The following TRHDE variants were observed in gnomAD, a reference collection of about 807,000 sequenced individuals.
TRHDE encodes the protein thyrotropin releasing hormone degrading enzyme, also known as thyrotropin-releasing hormone-degrading ectoenzyme.
Under a neutral mutation model 125.7 loss-of-function variants are expected in TRHDE, and 72 were observed. The ratio of observed to expected loss-of-function variants is 0.57; its 90% CI spans 0.47 to 0.70. TRHDE has a LOEUF of 0.70. Among genes scored for constraint, TRHDE ranks in the 30% least tolerant of loss-of-function variants. The probability of loss-of-function intolerance (pLI) is 0.00; values close to 1 mark genes in which losing one functional copy is unlikely to be tolerated. For missense variants in TRHDE, 1,110 were observed against 1,327.1 expected (o/e 0.84, Z 2.54); for synonymous variants, 509 against 509.1 (o/e 1.00, Z 0.00).
intron 12 of TRHDE, among the ~76,000 whole-genome samples, chr12:72,599,443 G>A (rs761733799): frequency 1.3e-5 from 2 of 151,988 alleles, no homozygotes; most frequent in African/African-American, 4.8e-5. Context: ...ATCTCATTGT[G>A]GTTTTGACTT....
At chr12:72,572,650 C>T (rs1444717377) in intron 10 of TRHDE, among the ~76,000 whole-genome samples, 1 of 151,960 alleles carries the variant, frequency 6.6e-6, no homozygotes, top group Non-Finnish European at 1.5e-5. Flanking sequence ...ACAGTAATAA[C>T]CTTCAGGTTT....
intron 6 of TRHDE, among the ~76,000 whole-genome samples, chr12:72,511,315 C>A (rs572291303): frequency 8.1e-4 from 123 of 152,014 alleles, no homozygotes; most frequent in African/African-American, 2.9e-3. Flanking sequence ...CATTAAATTT[C>A]TTTTTGTTAT....
intron 2 of TRHDE, among the ~76,000 whole-genome samples, chr12:72,139,914 C>T (rs977672511): frequency 3.3e-5 from 5 of 152,202 alleles, no homozygotes; most frequent in African/African-American, 9.6e-5. Context: ...AGCTGACCAG[C>T]GTTAACATTA....
At chr12:72,633,676 A>G (rs1046877578) in intron 15 of TRHDE, among the ~76,000 whole-genome samples, 1 of 152,042 alleles carries the variant, frequency 6.6e-6, no homozygotes, top group Non-Finnish European at 1.5e-5. Context: ...CCTCTTTGCT[A>G]GGGGGCATTG....
intron 12 of TRHDE, among the ~76,000 whole-genome samples, chr12:72,602,800 T>G (rs1269757797): frequency 6.6e-6 from 1 of 152,156 alleles, no homozygotes; most frequent in Non-Finnish European, 1.5e-5. Context: ...ATTAGAACCA[T>G]GTCTGAAATA....
chr12:72,425,080 A>AATTTT (rs1172482176), intron 3 of TRHDE, among the ~76,000 whole-genome samples: 16 of 152,234 alleles, frequency 1.1e-4, no homozygotes, highest in Admixed American at 9.2e-4. Context: ...TTTTACATTG[A>AATTTT]ATTTTATTTT....
chr12:72,340,979 A>T (rs1870057948), intron 2 of TRHDE, among the ~76,000 whole-genome samples: 1 of 152,064 alleles, frequency 6.6e-6, no homozygotes, highest in South Asian at 2.1e-4. Flanking sequence ...AACCCAGCTA[A>T]GCCATGGTAT....
In TRHDE at chr12:72,560,886, A is replaced by T. The variant is rs968864115; in HGVS notation, c.1789-1279A>T. ...TTATATTTTGTAAATCTTATTCCCAAATTTATTCATTTAAGTGCAAAAAAG... is the reference window on the plus strand; with the variant it reads ...TTATATTTTGTAAATCTTATTCCCATATTTATTCATTTAAGTGCAAAAAAG... On this transcript the variant is annotated intron_variant, in intron 7 of 18. Transcript: ENST00000261180. 7 of 152,306 alleles carry T rather than the reference A, an allele frequency of 4.6e-5. 1 individual carries two copies. Among genetic ancestry groups the T allele is most frequent in the African/African-American group, 4.8e-5 (2 of 41,556 alleles). 9.4% of individuals were successfully genotyped at this position (152,306 alleles called of 1,614,324 possible).
At chr12:72,553,112 T>C (rs766435661) in intron 7 of TRHDE, among the ~76,000 whole-genome samples, 48 of 152,102 alleles carry the variant, frequency 3.2e-4, no homozygotes, top group Non-Finnish European at 6.3e-4. Flanking sequence ...GTGGAGAAAT[T>C]TGAAAATAGA....
intron 12 of TRHDE, among the ~76,000 whole-genome samples, chr12:72,598,879 G>A (rs968432937): frequency 5.3e-5 from 8 of 151,426 alleles, no homozygotes; most frequent in Admixed American, 2.6e-4. Context: ...CTTGCCCTTC[G>A]TCCCTCCCTT....
chr12:72,537,007 C>A (rs1265019413), intron 6 of TRHDE, among the ~76,000 whole-genome samples: 1 of 152,026 alleles, frequency 6.6e-6, no homozygotes, highest in African/African-American at 2.4e-5. Context: ...ATTGGGATCA[C>A]AAGAGGTCAT....
At chr12:72,119,885 C>G (rs1034948454) in intron 2 of TRHDE, among the ~76,000 whole-genome samples, 3 of 152,032 alleles carry the variant, frequency 2.0e-5, no homozygotes, top group African/African-American at 7.2e-5. Context: ...ATATGTTTTT[C>G]CATCCTTTTA....
intron 2 of TRHDE, among the ~76,000 whole-genome samples, chr12:72,305,417 G>A (rs993440971): frequency 1.3e-5 from 2 of 152,180 alleles, no homozygotes; most frequent in Non-Finnish European, 2.9e-5. Context: ...CTCATGGTAT[G>A]ACTTCTGCAA....
chr12:72,194,969 G>A (rs933018782), intron 2 of TRHDE, among the ~76,000 whole-genome samples: 2 of 152,100 alleles, frequency 1.3e-5, no homozygotes, highest in African/African-American at 2.4e-5. Flanking sequence ...ATAAAGAAAA[G>A]AAGTTTAATT....
intron 2 of TRHDE, among the ~76,000 whole-genome samples, chr12:72,150,812 G>T (rs1269495766): frequency 6.6e-6 from 1 of 151,918 alleles, no homozygotes; most frequent in East Asian, 1.9e-4. Context: ...TGGACATTTG[G>T]GTTGTTTCCA....
rs146055642 is a variant in TRHDE, at chr12:72,187,902, G to A, written n.279+82150G>A. Reference sequence around the variant, plus strand: ...TGTAGCTAAGATTATATATTAACAGGTTGTCTTTAAGTTTAAACAAACAGT... The same window carrying A: ...TGTAGCTAAGATTATATATTAACAGATTGTCTTTAAGTTTAAACAAACAGT... On this transcript the variant is annotated intron_variant and non_coding_transcript_variant, in intron 2 of 4. Coordinates refer to the TRHDE transcript ENST00000548156. Among the ~76,000 whole-genome samples, 417 of 152,280 alleles carry A rather than the reference G, an allele frequency of 2.7e-3. 1 individual carries two copies. Among genetic ancestry groups the A allele is most frequent in the African/African-American group, 9.5e-3 (396 of 41,550 alleles).
intron 5 of TRHDE, among the ~76,000 whole-genome samples, chr12:72,498,545 T>G (rs1175942163): frequency 1.3e-5 from 2 of 152,158 alleles, no homozygotes; most frequent in African/African-American, 2.4e-5. Flanking sequence ...TAGCCTTCTT[T>G]ATATTTTGCA....
At chr12:72,319,028 G>A (rs1394971089) in intron 2 of TRHDE, among the ~76,000 whole-genome samples, 1 of 152,166 alleles carries the variant, frequency 6.6e-6, no homozygotes, top group African/African-American at 2.4e-5. Context: ...GGTAAGGAGA[G>A]GAAGCTGGAC....
intron 15 of TRHDE, among the ~76,000 whole-genome samples, chr12:72,636,725 T>A (rs1315937969): frequency 6.6e-6 from 1 of 152,246 alleles, no homozygotes; most frequent in Non-Finnish European, 1.5e-5. Flanking sequence ...AGTTGTTGAA[T>A]TTTGTCAAAG....
Sources: gnomAD v4.1 joint callset for allele counts (sites outside exome capture counted in the v4.1 genomes callset) on GRCh38, gnomAD v4.1.1 for gene constraint, MANE v1.5 for transcripts, NCBI Gene and HGNC (gene_info 2026-07-23, HGNC 2026-07-21) for gene names.